LOC400499: variants seen among roughly 807,000 people sequenced by gnomAD.
At chr16:11,423,600 G>A in the LOC400499 span, among the ~76,000 whole-genome samples, 2 of 152,374 alleles carry the variant, frequency 1.3e-5, no homozygotes, top group South Asian at 4.1e-4. Flanking sequence ...CGACGGTGCA[G>A]CCTGGCTTCA....
the LOC400499 span, chr16:11,450,496 A>T: frequency 9.7e-7 from 1 of 1,030,858 alleles, no homozygotes; most frequent in Non-Finnish European, 1.4e-6. Flanking sequence ...CAGACTTCAC[A>T]CACCTGTGAG....
chr16:11,448,022 G>T, the LOC400499 span: 1 of 1,536,048 alleles, frequency 6.5e-7, no homozygotes, highest in Non-Finnish European at 8.7e-7. Context: ...CCCCGAGGCT[G>T]GCCCTGGGCA....
the LOC400499 span, among the ~76,000 whole-genome samples, chr16:11,504,955 C>G: frequency 6.6e-6 from 1 of 152,018 alleles, no homozygotes; most frequent in African/African-American, 2.4e-5. Context: ...AACTACGCCA[C>G]TAGTTACTTA....
the LOC400499 span, among the ~76,000 whole-genome samples, chr16:11,378,269 CGGGGGGA>C: frequency 3.4e-5 from 2 of 59,258 alleles, no homozygotes; most frequent in African/African-American, 5.4e-5. Flanking sequence ...TTTTTTTTGC[CGGGGGGA>C]GGGGGGAGGT....
the LOC400499 span, chr16:11,385,338 C>T: frequency 3.2e-6 from 4 of 1,232,210 alleles, no homozygotes; most frequent in Admixed American, 4.2e-5. Context: ...CAGGAGGATG[C>T]TGCCGCACTG....
At chr16:11,516,749 G>A in the LOC400499 span, among the ~76,000 whole-genome samples, 282 of 152,142 alleles carry the variant, frequency 1.9e-3, 5 homozygotes, top group Admixed American at 0.016. Flanking sequence ...AGGCTTAAAC[G>A]ATCCTTCTGC....
the LOC400499 span, among the ~76,000 whole-genome samples, chr16:11,480,094 C>T: frequency 6.6e-6 from 1 of 152,166 alleles, no homozygotes; most frequent in Non-Finnish European, 1.5e-5. Context: ...TTTAGCTGGG[C>T]CATGGGCTTC....
the LOC400499 span, among the ~76,000 whole-genome samples, chr16:11,393,164 C>CCTTTT: frequency 8.7e-5 from 10 of 115,128 alleles, no homozygotes; most frequent in African/African-American, 2.1e-4. Flanking sequence ...ACCCCCCCCC[C>CCTTTT]TTTTTTTTAA....
the LOC400499 span, among the ~76,000 whole-genome samples, chr16:11,452,795 G>T: frequency 6.6e-6 from 1 of 152,202 alleles, no homozygotes; most frequent in South Asian, 2.1e-4. Context: ...ATGCCCTTCT[G>T]TGTGAGACAC....
At chr16:11,498,212 G>A in the LOC400499 span, among the ~76,000 whole-genome samples, 1 of 152,222 alleles carries the variant, frequency 6.6e-6, no homozygotes, top group African/African-American at 2.4e-5. Context: ...CGGGCGCAGT[G>A]ACTCATGCCT....
chr16:11,466,142 G>C, the LOC400499 span, among the ~76,000 whole-genome samples: 1 of 152,048 alleles, frequency 6.6e-6, no homozygotes, highest in African/African-American at 2.4e-5. Context: ...CTTTAAAGTG[G>C]ATATATTAAC....
the LOC400499 span, chr16:11,386,984 G>C: frequency 1.5e-6 from 1 of 645,338 alleles, no homozygotes; most frequent in African/African-American, 1.9e-5. Flanking sequence ...AGTCCCATAG[G>C]ACCTTGGGAA....
chr16:11,509,242 T>G, the LOC400499 span, among the ~76,000 whole-genome samples: 2 of 151,042 alleles, frequency 1.3e-5, no homozygotes, highest in African/African-American at 4.9e-5. Context: ...CTCGGCTTCC[T>G]GAGTAGCTGG....
chr16:11,438,740 G>T, the LOC400499 span, among the ~76,000 whole-genome samples: 1 of 151,868 alleles, frequency 6.6e-6, no homozygotes, highest in Non-Finnish European at 1.5e-5. Flanking sequence ...AGTGAGCCAT[G>T]ATTATGCCAC....
chr16:11,466,478 C>A, the LOC400499 span, among the ~76,000 whole-genome samples: 3 of 152,020 alleles, frequency 2.0e-5, no homozygotes, highest in Non-Finnish European at 2.9e-5. Flanking sequence ...ACCTCCACCC[C>A]ACCAGGTTCA....
chr16:11,436,809 G>A, the LOC400499 span, among the ~76,000 whole-genome samples: 1 of 151,946 alleles, frequency 6.6e-6, no homozygotes, highest in African/African-American at 2.4e-5. Context: ...TCCCAGGTTG[G>A]TCTCGAACTT....
the LOC400499 span, chr16:11,391,548 C>T: frequency 9.6e-5 from 84 of 870,986 alleles, no homozygotes; most frequent in Non-Finnish European, 1.2e-4. Context: ...CCATGGGAAG[C>T]GAGGCCACAT....
the LOC400499 span, among the ~76,000 whole-genome samples, chr16:11,382,079 G>T: frequency 6.6e-6 from 1 of 152,086 alleles, no homozygotes; most frequent in Admixed American, 6.6e-5. Flanking sequence ...TGGGATTACA[G>T]GAGCCCGCCA....
the LOC400499 span, among the ~76,000 whole-genome samples, chr16:11,421,992 G>A: frequency 6.6e-6 from 1 of 152,184 alleles, no homozygotes; most frequent in Non-Finnish European, 1.5e-5. Flanking sequence ...TTTGAGACGT[G>A]GCAAACACTC....
Sources: allele counts gnomAD v4.1 joint callset (sites outside exome capture counted in the v4.1 genomes callset), GRCh38; gene constraint gnomAD v4.1.1; transcripts MANE v1.5.